Variants in QPCT observed in about 807,000 individuals in gnomAD.
QPCT encodes the protein EC.
A neutral mutation model predicts 43.4 loss-of-function variants in QPCT; 44 were observed. That is an observed-to-expected ratio of 1.01 (90% CI 0.80 to 1.30). The LOEUF (loss-of-function observed/expected upper bound fraction) is 1.30. Ranked by LOEUF, QPCT falls within the 50% of genes most tolerant of loss-of-function variation. QPCT has a pLI of 0.00. For synonymous variants in QPCT, 168 were observed against 168.4 expected, an observed-to-expected ratio of 1.00 and a Z score of 0.02; for missense variants, 526 against 436.5, an observed-to-expected ratio of 1.21 and a Z score of -1.83.
At chr2:37,356,984 C>A (rs959874593) in intron 2 of QPCT, among the ~76,000 whole-genome samples, 1 of 145,960 alleles carries the variant, frequency 6.9e-6, no homozygotes, top group Non-Finnish European at 1.5e-5. Context: ...TCCAGCCTGG[C>A]GACAGAGTGA....
rs2255991 is a variant in QPCT at position 37,352,828 on chromosome 2, C to T, written c.160C>T (p.Arg54Trp). 58,280 of 1,613,994 alleles carry T rather than the reference C, an allele frequency of 0.036. 6,557 individuals are homozygous for T. The highest frequency in any genetic ancestry group is 0.34 in the East Asian group (15,320 of 44,864). Residue 54 changes from arginine (R) to tryptophan (W), a missense_variant, in exon 2 of 7, where the codon CGG (arginine) becomes TGG (tryptophan). Arg to Trp is a moderately radical substitution (Grantham distance 101, BLOSUM62 -3). Coordinates refer to ENST00000338415, the MANE Select transcript of QPCT (RefSeq NM_012413.4). Reference protein sequence around the residue: ...QPAILNSSALRQIAEGTSISE... With the variant: ...QPAILNSSALWQIAEGTSISE... ...AGCCATTTTGAATTCATCGGCTCTT[C>T]GGCAAATTGCAGAAGGCACCAGTAT...
At chr2:37,346,531 G>C (rs1672491734) in intron 1 of QPCT, among the ~76,000 whole-genome samples, 1 of 152,038 alleles carries the variant, frequency 6.6e-6, no homozygotes, top group Admixed American at 6.6e-5. Context: ...GTAGGCAGGG[G>C]GTATTTATGG....
intron 3 of QPCT, among the ~76,000 whole-genome samples, chr2:37,361,636 C>T (rs1672859786): frequency 1.3e-5 from 2 of 152,214 alleles, no homozygotes; most frequent in Non-Finnish European, 2.9e-5. Context: ...GCAGAACCAA[C>T]CTTGCTGACT....
At chr2:37,351,796 T>C (rs1431934987) in intron 1 of QPCT, among the ~76,000 whole-genome samples, 1 of 152,016 alleles carries the variant, frequency 6.6e-6, no homozygotes, top group East Asian at 1.9e-4. Flanking sequence ...ACAGGAGAAT[T>C]GCTTGAACCC....
chr2:37,364,303 C>G (rs550198785), intron 3 of QPCT, among the ~76,000 whole-genome samples: 15 of 152,162 alleles, frequency 9.9e-5, no homozygotes, highest in African/African-American at 3.4e-4. Flanking sequence ...CACTGGGGGT[C>G]CCATATAGGA....
intron 2 of QPCT, among the ~76,000 whole-genome samples, chr2:37,358,241 C>T (rs187174588): frequency 1.3e-5 from 2 of 151,788 alleles, no homozygotes; most frequent in East Asian, 3.9e-4. Context: ...GGCAAAACTC[C>T]ATCTCTACAA....
chr2:37,372,073 T>G (rs1202136161), intron 5 of QPCT, among the ~76,000 whole-genome samples: 1 of 152,188 alleles, frequency 6.6e-6, no homozygotes. Flanking sequence ...TTTTTTTCAT[T>G]CTCTATCTCT....
In QPCT at chr2:37,347,181, C is replaced by T. The variant is rs1280053359; in HGVS notation, c.120+2330C>T. 1.6e-3 allele frequency among the ~76,000 whole-genome samples: 59 copies of T among 36,736 alleles called. 3 individuals carry two copies. The highest frequency in any genetic ancestry group is 8.2e-3 in the South Asian group (10 of 1,222). 24.1% of individuals were successfully genotyped at this position (36,736 alleles called of 152,430 possible). A position where few individuals can be genotyped will look rare whatever the true frequency, so the allele number is the denominator to read the frequency against. On this transcript the variant is annotated intron_variant, in intron 1 of 6. Transcript: ENST00000338415. Reference sequence around the variant, plus strand: ...ATATATATAACATATATATATATAACATATATATATAACATATATATATAA... The same window carrying T: ...ATATATATAACATATATATATATAATATATATATATAACATATATATATAA...
intron 1 of QPCT, among the ~76,000 whole-genome samples, chr2:37,350,521 C>T (rs1479251071): frequency 6.6e-6 from 1 of 152,172 alleles, no homozygotes; most frequent in Non-Finnish European, 1.5e-5. Context: ...AAAGACAAAT[C>T]TTCTGATGTT....
chr2:37,369,625 G>C, intron 4 of QPCT, 60 bp from the exon 5 acceptor site: 2 of 1,264,428 alleles, frequency 1.6e-6, no homozygotes, highest in Non-Finnish European at 2.3e-6. Context: ...GTATTTCCCT[G>C]TTGATGAATA....
intron 2 of QPCT, among the ~76,000 whole-genome samples, chr2:37,358,372 G>T (rs1399410141): frequency 6.6e-6 from 1 of 152,182 alleles, no homozygotes; most frequent in Non-Finnish European, 1.5e-5. Flanking sequence ...AGGAGGCGGA[G>T]GTTGCAGTGA....
chr2:37,355,274 C>G (rs1159916896), intron 2 of QPCT, among the ~76,000 whole-genome samples: 2 of 152,268 alleles, frequency 1.3e-5, no homozygotes, highest in East Asian at 3.9e-4. Flanking sequence ...CAAAGGAATT[C>G]TCATTTTGAA....
At chr2:37,359,900 T>A in intron 3 of QPCT, 42 bp downstream of exon 3, 1 of 1,574,568 alleles carries the variant, frequency 6.4e-7, no homozygotes, top group Non-Finnish European at 8.7e-7. Flanking sequence ...TAAAGTACAT[T>A]AACAGTAACT....
Position 37,359,477 on chromosome 2 carries a change from C to T in QPCT, c.268-103C>T, listed in dbSNP as rs529614626. 7 of 1,077,368 alleles carry T rather than the reference C, an allele frequency of 6.5e-6. No homozygotes were observed. In the South Asian group the frequency reaches 1.1e-4, roughly 18 times the overall value. 66.7% of individuals were successfully genotyped at this position (1,077,368 alleles called of 1,614,324 possible). On this transcript the variant is annotated intron_variant, in intron 2 of 6. Transcript: ENST00000338415. ...GCTATGAATTCATTAAGTGTGTATTCCAATTTTAATTTGAAAGGCACTACT... is the reference window on the plus strand; with the variant it reads ...GCTATGAATTCATTAAGTGTGTATTTCAATTTTAATTTGAAAGGCACTACT...
chr2:37,354,315 A>T (rs750409154), intron 2 of QPCT, among the ~76,000 whole-genome samples: 3 of 152,160 alleles, frequency 2.0e-5, no homozygotes, highest in Non-Finnish European at 2.9e-5. Context: ...CAGGCACCTT[A>T]GTTCTGTCTA....
chr2:37,365,942 T>A (rs910890348), intron 3 of QPCT, among the ~76,000 whole-genome samples: 2 of 152,184 alleles, frequency 1.3e-5, no homozygotes, highest in Non-Finnish European at 2.9e-5. Flanking sequence ...TGGTTATATA[T>A]TTTTTTCTCT....
chr2:37,358,436 A>AACAAC (rs967672662), intron 2 of QPCT, among the ~76,000 whole-genome samples: 1 of 130,218 alleles, frequency 7.7e-6, no homozygotes, highest in African/African-American at 4.5e-5. Context: ...AGCCCTGTTA[A>AACAAC]ACAACAAAAC....
In QPCT at chr2:37,372,407, G is replaced by A. The variant is rs770121520; in HGVS notation, c.875G>A (p.Arg292Gln). ...GLLKDHSLEG[R>Q]YFQNYSYGGV... ...CTCAAGGATCACTCTTTGGAGGGGC[G>A]GTATTTCCAGAATTACAGTTATGGA... Residue 292 changes from arginine (R) to glutamine (Q), a missense_variant, in exon 6 of 7, where the codon CGG becomes CAG. Coordinates refer to ENST00000338415, the MANE Select transcript of QPCT (RefSeq NM_012413.4). 2.0e-5 allele frequency: 33 copies of A among 1,614,030 alleles called. No homozygotes were observed. Among genetic ancestry groups the A allele is most frequent in the Middle Eastern group, 3.3e-4 (2 of 6,062 alleles).
chr2:37,356,931 AGGG>A (rs1429275802), intron 2 of QPCT, among the ~76,000 whole-genome samples: 8 of 151,152 alleles, frequency 5.3e-5, no homozygotes, highest in African/African-American at 9.8e-5. Flanking sequence ...TGCTTGAACC[AGGG>A]AGTTGGAGGT....
Sources: allele counts gnomAD v4.1 joint callset (sites outside exome capture counted in the v4.1 genomes callset), GRCh38; gene constraint gnomAD v4.1.1; transcripts MANE v1.5; gene names NCBI Gene and HGNC (gene_info 2026-07-23, HGNC 2026-07-21).